SLC6A15: variants seen among roughly 807,000 people sequenced by gnomAD.
The protein encoded by SLC6A15 is sodium-dependent neutral amino acid transporter B(0)AT2.
Under a neutral mutation model 68.5 loss-of-function variants are expected in SLC6A15, and 33 were observed. The observed-to-expected ratio is 0.48, with a 90% CI of 0.37 to 0.64. The LOEUF is 0.64. Among genes scored for constraint, SLC6A15 ranks in the 30% least tolerant of loss-of-function variants. The pLI is 0.00. For missense variants in SLC6A15, 747 were observed against 874.3 expected (o/e 0.85, Z 1.84); for synonymous variants, 347 against 301.0 (o/e 1.15, Z -1.58).
chr12:84,900,041 A>G (rs190169623), intron 1 of SLC6A15, among the ~76,000 whole-genome samples: 32 of 152,204 alleles, frequency 2.1e-4, no homozygotes, highest in Admixed American at 2.1e-3. Context: ...AGGATTTAAA[A>G]TTGAATTACA....
At chr12:84,887,390 A>G (rs976200051) in intron 2 of SLC6A15, among the ~76,000 whole-genome samples, 3 of 152,148 alleles carry the variant, frequency 2.0e-5, no homozygotes, top group African/African-American at 7.2e-5. Context: ...GATTTTTTCA[A>G]ATTATTTATC....
intron 1 of SLC6A15, among the ~76,000 whole-genome samples, chr12:84,896,053 T>C (rs534404123): frequency 1.3e-5 from 2 of 152,296 alleles, no homozygotes; most frequent in African/African-American, 4.8e-5. Context: ...ATATGGACAG[T>C]AGTGGAATCA....
chr12:84,899,474 A>G (rs942308890), intron 1 of SLC6A15, among the ~76,000 whole-genome samples: 1 of 152,194 alleles, frequency 6.6e-6, no homozygotes, highest in Non-Finnish European at 1.5e-5. Flanking sequence ...GGCTGTAAAT[A>G]CTACCGTAGT....
rs889172736 is a variant in SLC6A15 at position 84,880,941 on chromosome 12, T to G, written c.756+2918A>C. 6.5e-6 allele frequency: 6 copies of G among 926,416 alleles called. 1 individual carries two copies. In the South Asian group the frequency reaches 3.0e-4, roughly 46 times the overall value. The allele number at this position is 926,416 out of a possible 1,614,324, so 57.4% of individuals were successfully genotyped here. On this transcript the variant is annotated intron_variant, in intron 5 of 11. Transcript: ENST00000266682. ...AGCCCAGTTTTAGCCCTGTCTATCA[T>G]GTATTGGTTGCTTAATTCTGGCCAA...
At chr12:84,876,402 T>C (rs1871543321) in intron 6 of SLC6A15, 95 bp downstream of exon 6, 1 of 703,184 alleles carries the variant, frequency 1.4e-6, no homozygotes. Flanking sequence ...GTACATACAT[T>C]AGAACAATTA....
chr12:84,882,247 T>C (rs973331797), intron 5 of SLC6A15: 1 of 985,308 alleles, frequency 1.0e-6, no homozygotes, highest in Non-Finnish European at 1.2e-6. Flanking sequence ...CATATAAATA[T>C]GGTTAGGTCT....
In SLC6A15 at chr12:84,869,335, G is replaced by A. The variant is rs547204621; in HGVS notation, c.1495+1143C>T. 3.3e-5 allele frequency among the ~76,000 whole-genome samples: 5 copies of A among 151,934 alleles called. No homozygotes were observed. The East Asian group carries it at 7.8e-4, about 24-fold the overall frequency. On this transcript the variant is annotated intron_variant, in intron 9 of 11. Coordinates refer to ENST00000266682, the MANE Select transcript of SLC6A15 (RefSeq NM_182767.6). ...AAATTAGCCAAGCGTGTTGGCACGC[G>A]CCTGTAGTCCCAGCTACTCGGGAGG...
chr12:84,876,690 T>G, intron 5 of SLC6A15, 83 bp from the exon 6 acceptor site: 2 of 592,000 alleles, frequency 3.4e-6, no homozygotes, highest in East Asian at 6.3e-5. Flanking sequence ...GTTTCTGTAC[T>G]TTGACAGTCA....
At chr12:84,907,286 T>C (rs138134645) in intron 1 of SLC6A15, among the ~76,000 whole-genome samples, 2 of 151,756 alleles carry the variant, frequency 1.3e-5, no homozygotes, top group African/African-American at 4.8e-5. Context: ...AGGCAGAGCT[T>C]GCAGTGAGCT....
intron 6 of SLC6A15, among the ~76,000 whole-genome samples, chr12:84,876,051 A>G (rs1038395502): frequency 1.3e-5 from 2 of 151,828 alleles, no homozygotes; most frequent in African/African-American, 2.4e-5. Flanking sequence ...CTAGATGATC[A>G]GTCAACTTCC....
intron 1 of SLC6A15, among the ~76,000 whole-genome samples, chr12:84,903,724 T>A (rs1872997879): frequency 6.6e-6 from 1 of 152,110 alleles, no homozygotes; most frequent in African/African-American, 2.4e-5. Flanking sequence ...ATCTTTCCTA[T>A]AAGGATGCTT....
intron 8 of SLC6A15, among the ~76,000 whole-genome samples, chr12:84,872,095 T>C (rs1871310053): frequency 6.7e-6 from 1 of 150,056 alleles, no homozygotes; most frequent in South Asian, 2.1e-4. Context: ...AAGCAGAGGA[T>C]GCAGTGAGCC....
chr12:84,869,737 G>C (rs150998632), intron 9 of SLC6A15, among the ~76,000 whole-genome samples: 2,317 of 152,150 alleles, frequency 0.015, 65 homozygotes, highest in African/African-American at 0.051. Flanking sequence ...AGATGACCTA[G>C]ACTCTTTTGA....
intron 2 of SLC6A15, 79 bp downstream of exon 2, chr12:84,891,753 A>T: frequency 7.3e-7 from 1 of 1,362,140 alleles, no homozygotes; most frequent in Non-Finnish European, 1.0e-6. Context: ...AAATAATGAG[A>T]AACAGCAATA....
At position 84,891,898 on chromosome 12, in the gene SLC6A15, C is replaced by T. The variant is rs1431170883; in HGVS notation, c.223G>A (p.Val75Ile). The T allele has an allele frequency of 6.2e-7, 1 of 1,614,026 alleles. No individual in the cohort carries two copies. The change falls in exon 2 of 12, where the codon GTT (valine) becomes ATT (isoleucine). Residue 75 changes from valine to isoleucine, a missense_variant. Transcript: ENST00000266682. Reference sequence around the variant, plus strand: ...TTTCCTAAACCTACAGAAAATCCAACTTGGGCCAGGATGTATTGTAGTTTA... The same window carrying T: ...TTTCCTAAACCTACAGAAAATCCAATTTGGGCCAGGATGTATTGTAGTTTA... ...NSKLQYILAQ[V>I]GFSVGLGNVW...
intron 1 of SLC6A15, among the ~76,000 whole-genome samples, chr12:84,908,230 C>T (rs1297804345): frequency 6.6e-6 from 1 of 152,108 alleles, no homozygotes; most frequent in East Asian, 1.9e-4. Context: ...TTCTTACCAA[C>T]TACATGGGAC....
At position 84,860,855 on chromosome 12, in the gene SLC6A15, C is replaced by T. The variant is rs1207123439; in HGVS notation, c.*777G>A. The T allele has an allele frequency of 1.3e-5, 2 of 152,022 alleles. No individual in the cohort carries two copies. Among genetic ancestry groups the T allele is most frequent in the Admixed American group, 6.6e-5 (1 of 15,252 alleles). The allele number at this position is 152,022 out of a possible 1,614,324, so 9.4% of individuals were successfully genotyped here. On this transcript the variant is annotated 3_prime_UTR_variant, in exon 12 of 12. Coordinates refer to ENST00000266682, the MANE Select transcript of SLC6A15 (RefSeq NM_182767.6). ...ATTGTATAAATATACTATGAATAAT[C>T]TTGAAACCACAATAAATATCAAGTA... is the stretch of plus-strand genomic sequence containing the variant.
intron 1 of SLC6A15, among the ~76,000 whole-genome samples, chr12:84,897,339 T>A (rs897086793): frequency 1.8e-4 from 27 of 151,684 alleles, no homozygotes; most frequent in African/African-American, 5.8e-4. Flanking sequence ...TACAAATATC[T>A]TAAAGTAATT....
intron 2 of SLC6A15, among the ~76,000 whole-genome samples, chr12:84,888,262 G>GAAAA (rs35670280): frequency 2.7e-4 from 30 of 109,446 alleles, no homozygotes; most frequent in African/African-American, 9.0e-4. Context: ...AGACCTTGTC[G>GAAAA]AAAAAAAAAA....
Sources: allele counts gnomAD v4.1 joint callset (sites outside exome capture counted in the v4.1 genomes callset), GRCh38; gene constraint gnomAD v4.1.1; transcripts MANE v1.5; gene names NCBI Gene and HGNC (gene_info 2026-07-23, HGNC 2026-07-21).